NPAS3: variants seen among roughly 807,000 people sequenced by gnomAD.
NPAS3 encodes neuronal PAS domain protein 3, also known as neuronal PAS domain-containing protein 3.
NPAS3 carries 14 observed loss-of-function variants against 73.1 expected under a neutral mutation model. The observed-to-expected ratio is 0.19, with a 90% CI of 0.13 to 0.30. The LOEUF is 0.30. NPAS3 is among the 10% of genes least tolerant of loss of function. The pLI is 1.00. For missense variants in NPAS3, 1,096 were observed against 1,250.0 expected (o/e 0.88, Z 1.86); for synonymous variants, 620 against 541.5 (o/e 1.14, Z -2.01).
chr14:33,519,832 T>C lies in NPAS3; in HGVS notation c.469-40289T>C, dbSNP rs142266747. Among the ~76,000 whole-genome samples, 8 of 152,134 alleles carry C rather than the reference T, an allele frequency of 5.3e-5. No homozygotes were observed. The East Asian group carries it at 7.8e-4, about 15-fold the overall frequency. On this transcript the variant is annotated intron_variant, in intron 4 of 11. Coordinates refer to ENST00000356141, the Ensembl canonical transcript of NPAS3. ...TGTGTTTGAACCCAGATAATACTAA[T>C]TTTTCTCCACTGAGAGACCCAAGGT...
chr14:33,615,843 C>T (rs191053522), intron 5 of NPAS3, among the ~76,000 whole-genome samples: 2 of 152,236 alleles, frequency 1.3e-5, no homozygotes. Flanking sequence ...GTTTGATTTA[C>T]TAGATTATGG....
At chr14:33,380,957 A>C (rs1466729197) in intron 4 of NPAS3, among the ~76,000 whole-genome samples, 1 of 152,064 alleles carries the variant, frequency 6.6e-6, no homozygotes, top group Non-Finnish European at 1.5e-5. Flanking sequence ...TCTGGTATAG[A>C]GATTAGACCA....
chr14:33,762,104 G>GA (rs1472709429), intron 7 of NPAS3, among the ~76,000 whole-genome samples: 1 of 152,174 alleles, frequency 6.6e-6, no homozygotes, highest in Non-Finnish European at 1.5e-5. Context: ...ATACCAAAAG[G>GA]ACTCTTGAGA....
intron 2 of NPAS3, among the ~76,000 whole-genome samples, chr14:33,069,944 C>T (rs143275440): frequency 3.3e-5 from 5 of 152,246 alleles, no homozygotes; most frequent in African/African-American, 4.8e-5. Context: ...AGTCTGATTA[C>T]GTGCCTCTTT....
At chr14:33,139,153 A>G (rs1227708111) in intron 2 of NPAS3, among the ~76,000 whole-genome samples, 5 of 152,154 alleles carry the variant, frequency 3.3e-5, no homozygotes, top group African/African-American at 4.8e-5. Flanking sequence ...CAGTCTTTTA[A>G]TTACCTCCAG....
chr14:33,518,714 A>G (rs2053423403), intron 4 of NPAS3, among the ~76,000 whole-genome samples: 1 of 150,096 alleles, frequency 6.7e-6, no homozygotes, highest in African/African-American at 2.4e-5. Flanking sequence ...CATATTAGTC[A>G]GGGCTCAAGT....
chr14:33,118,847 C>T (rs1304683432), intron 2 of NPAS3, among the ~76,000 whole-genome samples: 1 of 151,420 alleles, frequency 6.6e-6, no homozygotes, highest in Non-Finnish European at 1.5e-5. Context: ...TCCTTTAGGG[C>T]AAGACAGCTC....
At chr14:33,322,565 A>T (rs1431981202) in intron 3 of NPAS3, among the ~76,000 whole-genome samples, 1 of 151,676 alleles carries the variant, frequency 6.6e-6, no homozygotes, top group Non-Finnish European at 1.5e-5. Context: ...CAAAATTTTA[A>T]AGAAGTCTTT....
intron 5 of NPAS3, among the ~76,000 whole-genome samples, chr14:33,578,654 C>T (rs767938652): frequency 6.6e-6 from 1 of 152,168 alleles, no homozygotes; most frequent in African/African-American, 2.4e-5. Flanking sequence ...GGATTTTGCT[C>T]ATATGTTAAT....
At chr14:33,379,980 G>A (rs975154864) in intron 4 of NPAS3, among the ~76,000 whole-genome samples, 2 of 90,480 alleles carry the variant, frequency 2.2e-5, no homozygotes, top group African/African-American at 3.6e-5. Context: ...TATCCCTCGT[G>A]TGTGTGTGTG....
intron 1 of NPAS3, among the ~76,000 whole-genome samples, chr14:33,051,244 G>A (rs574212615): frequency 2.8e-5 from 4 of 142,946 alleles, no homozygotes; most frequent in Admixed American, 2.2e-4. Context: ...ATTGCAGTCC[G>A]CAGTCCGGCC....
At chr14:33,096,491 G>A (rs1417368929) in intron 2 of NPAS3, among the ~76,000 whole-genome samples, 1 of 152,200 alleles carries the variant, frequency 6.6e-6, no homozygotes, top group Non-Finnish European at 1.5e-5. Flanking sequence ...AATGTGTTTA[G>A]AGAGAATTGG....
intron 8 of NPAS3, among the ~76,000 whole-genome samples, chr14:33,776,521 TAAAAAAAAAAAAAAAA>T (rs552348267): frequency 4.3e-3 from 138 of 32,040 alleles, no homozygotes; most frequent in African/African-American, 0.011. Context: ...TTCTTCCTCT[TAAAAAAAAAAAAAAAA>T]AAAAAAAAAA....
intron 5 of NPAS3, among the ~76,000 whole-genome samples, chr14:33,570,871 A>T (rs530165080): frequency 1.3e-5 from 2 of 152,302 alleles, no homozygotes; most frequent in African/African-American, 4.8e-5. Context: ...ATAGATTAGC[A>T]AGCTGAAGGG....
intron 3 of NPAS3, among the ~76,000 whole-genome samples, chr14:33,308,965 G>T (rs1449054493): frequency 6.6e-6 from 1 of 152,088 alleles, no homozygotes; most frequent in Non-Finnish European, 1.5e-5. Flanking sequence ...TTCTTAGATG[G>T]AGAAATTTGC....
intron 5 of NPAS3, among the ~76,000 whole-genome samples, chr14:33,651,878 C>T (rs1217468434): frequency 3.9e-5 from 6 of 152,110 alleles, no homozygotes; most frequent in Non-Finnish European, 5.9e-5. Flanking sequence ...TATTAAGTAG[C>T]ACCCAGCGTT....
At chr14:33,355,686 G>A (rs1285278594) in intron 3 of NPAS3, among the ~76,000 whole-genome samples, 1 of 152,136 alleles carries the variant, frequency 6.6e-6, no homozygotes, top group Admixed American at 6.5e-5. Flanking sequence ...TCCTGAACCT[G>A]AGAAGTTTCT....
At chr14:33,134,805 T>TTAATATGGATAATGACATTTTGAAAC (rs2043772944) in intron 2 of NPAS3, among the ~76,000 whole-genome samples, 1 of 152,168 alleles carries the variant, frequency 6.6e-6, no homozygotes, top group Admixed American at 6.5e-5. Flanking sequence ...CTGTTAGATC[T>TTAATATGGATAATGACATTTTGAAAC]TTATATGGAT....
chr14:32,954,710 C>T (rs755380692), intron 1 of NPAS3, among the ~76,000 whole-genome samples: 3 of 152,064 alleles, frequency 2.0e-5, no homozygotes, highest in African/African-American at 4.8e-5. Flanking sequence ...TTAATACCTC[C>T]CATAGACATT....
Sources: gnomAD v4.1 joint callset for allele counts (sites outside exome capture counted in the v4.1 genomes callset) on GRCh38, gnomAD v4.1.1 for gene constraint, MANE v1.5 for transcripts, NCBI Gene and HGNC (gene_info 2026-07-23, HGNC 2026-07-21) for gene names.